EXOC5: variants seen among roughly 807,000 people sequenced by gnomAD.
The protein encoded by EXOC5 is SEC10-like 1.
EXOC5 carries 17 observed loss-of-function variants against 90.8 expected under a neutral mutation model. The observed-to-expected ratio is 0.19, with a 90% CI of 0.13 to 0.28. The LOEUF (loss-of-function observed/expected upper bound fraction) is 0.28, where lower values mean the gene tolerates loss of function less well. EXOC5 is among the 10% of genes least tolerant of loss of function. EXOC5 has a pLI of 1.00. For synonymous variants in EXOC5, 260 were observed against 270.0 expected (o/e 0.96, Z 0.36); for missense variants, 569 against 830.6 (o/e 0.69, Z 3.87).
At chr14:57,256,403 A>G (rs1260309394) in intron 1 of EXOC5, among the ~76,000 whole-genome samples, 2 of 152,154 alleles carry the variant, frequency 1.3e-5, no homozygotes, top group Non-Finnish European at 2.9e-5. Flanking sequence ...GCAGAGTTAC[A>G]ATCGATAGTA....
Position 57,200,817 on chromosome 14 carries a change from A to G in EXOC5, c.*7792T>C, listed in dbSNP as rs1364866984. Reference sequence around the variant, plus strand: ...AGTTGTTTCTGCGTGATAAAATTGTAATTTTTAAATTTAATATTTTAAAAT... The same window carrying G: ...AGTTGTTTCTGCGTGATAAAATTGTGATTTTTAAATTTAATATTTTAAAAT... On this transcript the variant is annotated 3_prime_UTR_variant, in exon 18 of 18. Coordinates refer to ENST00000621441, the MANE Select transcript of EXOC5 (RefSeq NM_006544.4). The G allele has an allele frequency of 6.6e-6, 1 of 151,760 alleles. No individual in the cohort carries two copies. Among genetic ancestry groups the G allele is most frequent in the Non-Finnish European group, 1.5e-5 (1 of 67,966 alleles). The allele number at this position is 151,760 out of a possible 1,614,324, so 9.4% of individuals were successfully genotyped here. A position where few individuals can be genotyped will look rare whatever the true frequency, so the allele number is the denominator to read the frequency against.
Position 57,208,862 on chromosome 14 carries a change from G to C in EXOC5, c.1939-65C>G, listed in dbSNP as rs995545829. ...CAATTTCCAGTTTTACAATTAGCTT[G>C]TAACTTTTTACATACTGTCAGGTGG... On this transcript the variant is annotated intron_variant, in intron 17 of 17. Transcript: ENST00000621441. 4 of 1,148,530 alleles carry C rather than the reference G, an allele frequency of 3.5e-6. No homozygotes were observed. In the African/African-American group the frequency reaches 6.1e-5, roughly 18 times the overall value. 71.1% of individuals were successfully genotyped at this position (1,148,530 alleles called of 1,614,324 possible).
At chr14:57,236,847 C>T (rs1402966392) in intron 6 of EXOC5, among the ~76,000 whole-genome samples, 1 of 151,554 alleles carries the variant, frequency 6.6e-6, no homozygotes. Flanking sequence ...AAATCCAAGA[C>T]TGGCAAGAAC....
chr14:57,242,210 GT>G (rs113038140), intron 4 of EXOC5, among the ~76,000 whole-genome samples: 9 of 151,428 alleles, frequency 5.9e-5, no homozygotes, highest in African/African-American at 1.9e-4. Flanking sequence ...ACATAATAGG[GT>G]TTTTTTTGTT....
intron 15 of EXOC5, 88 bp from the exon 16 acceptor site, chr14:57,210,149 A>C: frequency 1.6e-6 from 1 of 625,642 alleles, no homozygotes; most frequent in Non-Finnish European, 2.8e-6. Context: ...AAATTAAATC[A>C]GTTATTTAAT....
At position 57,232,744 on chromosome 14, in the gene EXOC5, A is replaced by G. The variant is rs372622651; in HGVS notation, c.861T>C (p.Phe287=). The change falls in exon 10 of 18, where the codon TTT becomes TTC. Residue 287 remains phenylalanine, a synonymous_variant. Coordinates refer to ENST00000621441, the MANE Select transcript of EXOC5 (RefSeq NM_006544.4). ...TACATTCTTCTAACTGCTCTTTCAC[A>G]AAACTCTAAAAGAAAAAGGTTAACA... ...QNVFEIKLQS[F]VKEQLEECRK... is the part of the protein sequence containing the mutation. 3.7e-5 allele frequency: 54 copies of G among 1,476,672 alleles called. 1 individual carries two copies. The Admixed American group carries it at 7.8e-4, about 21-fold the overall frequency. The allele number at this position is 1,476,672 out of a possible 1,614,324, so 91.5% of individuals were successfully genotyped here.
In EXOC5 at chr14:57,219,274, C is replaced by T. The variant is rs558499135; in HGVS notation, c.1526+48G>A. 7.6e-5 allele frequency: 90 copies of T among 1,178,896 alleles called. 1 individual carries two copies. The South Asian group carries it at 1.4e-3, about 18-fold the overall frequency. 73.0% of individuals were successfully genotyped at this position (1,178,896 alleles called of 1,614,324 possible). A position where few individuals can be genotyped will look rare whatever the true frequency, so the allele number is the denominator to read the frequency against. On this transcript the variant is annotated intron_variant, in intron 14 of 17. Transcript: ENST00000621441. Reference sequence around the variant, plus strand: ...AAATATATATAGATTATGTAGAATGCTATAATAGTCACTGAAATATCAATG... The same window carrying T: ...AAATATATATAGATTATGTAGAATGTTATAATAGTCACTGAAATATCAATG...
rs1224657723 is a variant in EXOC5 at position 57,204,331 on chromosome 14, G to A, written c.*4278C>T. On this transcript the variant is annotated 3_prime_UTR_variant, in exon 18 of 18. Coordinates refer to ENST00000621441, the MANE Select transcript of EXOC5 (RefSeq NM_006544.4). Reference sequence around the variant, plus strand: ...GTTGTTTCCTCCCTAAATTTGTAAAGAGAAATGATTGATCACTGGTAGAAA... The same window carrying A: ...GTTGTTTCCTCCCTAAATTTGTAAAAAGAAATGATTGATCACTGGTAGAAA... 6.6e-6 allele frequency: 1 copy of A among 152,094 alleles called. No homozygotes were observed. Among genetic ancestry groups the A allele is most frequent in the East Asian group, 1.9e-4 (1 of 5,190 alleles). 9.4% of individuals were successfully genotyped at this position (152,094 alleles called of 1,614,324 possible). A position where few individuals can be genotyped will look rare whatever the true frequency, so the allele number is the denominator to read the frequency against.
chr14:57,244,381 A>G (rs779629504), intron 3 of EXOC5, 22 bp from the exon 4 acceptor site: 2 of 1,540,962 alleles, frequency 1.3e-6, no homozygotes, highest in Non-Finnish European at 9.0e-7. Context: ...GTGCATAAGC[A>G]TAAAATACAA....
At chr14:57,225,869 G>C (rs1205696421) in intron 12 of EXOC5, among the ~76,000 whole-genome samples, 1 of 152,190 alleles carries the variant, frequency 6.6e-6, no homozygotes. Flanking sequence ...CAACTTGAAG[G>C]GGTGAGAAGG....
intron 15 of EXOC5, among the ~76,000 whole-genome samples, chr14:57,216,805 A>T (rs993308066): frequency 6.6e-6 from 1 of 152,190 alleles, no homozygotes; most frequent in Non-Finnish European, 1.5e-5. Context: ...CAAACTAAAG[A>T]GCTTCCGCAC....
intron 15 of EXOC5, among the ~76,000 whole-genome samples, chr14:57,214,434 G>C (rs1024340599): frequency 1.3e-5 from 2 of 152,106 alleles, no homozygotes; most frequent in African/African-American, 4.8e-5. Flanking sequence ...TTTTATTTCG[G>C]ATTTTTGGAT....
chr14:57,217,263 G>GCATA (rs1883002805), intron 15 of EXOC5, among the ~76,000 whole-genome samples: 1 of 152,038 alleles, frequency 6.6e-6, no homozygotes, highest in Non-Finnish European at 1.5e-5. Context: ...GAATATCCAG[G>GCATA]CATACCTTGT....
chr14:57,218,773 T>C (rs990718412), intron 14 of EXOC5, among the ~76,000 whole-genome samples: 1 of 152,104 alleles, frequency 6.6e-6, no homozygotes, highest in African/African-American at 2.4e-5. Flanking sequence ...ATTTTTCCTC[T>C]TACATAATAG....
intron 5 of EXOC5, among the ~76,000 whole-genome samples, chr14:57,238,221 T>TACACAC (rs372613596): frequency 0.01 from 960 of 93,302 alleles, 8 homozygotes; most frequent in Admixed American, 0.02. Context: ...TCCACATATA[T>TACACAC]ATACACACAC....
chr14:57,268,846 C>T lies in EXOC5; in HGVS notation c.-198G>A, dbSNP rs755815627. 275 of 1,298,994 alleles carry T rather than the reference C, an allele frequency of 2.1e-4. No individual in the cohort carries two copies. The highest frequency in any genetic ancestry group is 2.6e-4 in the Non-Finnish European group (258 of 998,736). 80.5% of individuals were successfully genotyped at this position (1,298,994 alleles called of 1,614,324 possible). The stretch of plus-strand genomic sequence containing the variant: ...CGAAGCCGCAAACGCTTGTCAGCTG[C>T]CTCCCGGCGCCGCCCGCGCTGCTCC... On this transcript the variant is annotated 5_prime_UTR_variant, in exon 1 of 18. Transcript: ENST00000621441.
chr14:57,242,884 G>A (rs1883913518), intron 4 of EXOC5, among the ~76,000 whole-genome samples: 2 of 152,096 alleles, frequency 1.3e-5, no homozygotes, highest in South Asian at 2.1e-4. Context: ...AGATAAATAT[G>A]GTACGTTTAC....
chr14:57,259,507 C>A (rs1275677063), intron 1 of EXOC5, among the ~76,000 whole-genome samples: 1 of 152,168 alleles, frequency 6.6e-6, no homozygotes, highest in Non-Finnish European at 1.5e-5. Context: ...CTATTCCAGT[C>A]TTCTTTTCAA....
At chr14:57,209,444 A>C (rs1882759923) in intron 17 of EXOC5, 123 bp downstream of exon 17, 1 of 574,078 alleles carries the variant, frequency 1.7e-6, no homozygotes, top group Non-Finnish European at 3.1e-6. Context: ...GTGATAATCT[A>C]TCTCATACAA....
Sources: gnomAD v4.1 joint callset for allele counts (sites outside exome capture counted in the v4.1 genomes callset) on GRCh38, gnomAD v4.1.1 for gene constraint, MANE v1.5 for transcripts, NCBI Gene and HGNC (gene_info 2026-07-23, HGNC 2026-07-21) for gene names.